The following CCDC91 variants were observed in gnomAD, a reference collection of about 807,000 sequenced individuals.
CCDC91 encodes the protein coiled-coil domain containing 91.
In CCDC91, 48 loss-of-function variants were observed where a neutral mutation model predicts 63.2. The ratio of observed to expected loss-of-function variants is 0.76; its 90% CI spans 0.60 to 0.97. CCDC91 has a LOEUF of 0.97. Among genes scored for constraint, CCDC91 ranks in the 50% least tolerant of loss-of-function variants. CCDC91 has a pLI of 0.00. For synonymous variants in CCDC91, 167 were observed against 165.8 expected, an observed-to-expected ratio of 1.01 and a Z score of -0.06; for missense variants, 500 against 494.6, an observed-to-expected ratio of 1.01 and a Z score of -0.10.
Position 28,450,437 on chromosome 12 carries a change from G to A in CCDC91, c.924+19G>A, listed in dbSNP as rs1949747070. 6.3e-7 allele frequency: 1 copy of A among 1,577,576 alleles called. No homozygotes were observed. Among genetic ancestry groups the A allele is most frequent in the Non-Finnish European group, 8.7e-7 (1 of 1,147,354 alleles). On this transcript the variant is annotated intron_variant, in intron 10 of 12. Coordinates refer to ENST00000536442, the MANE Select transcript of CCDC91 (RefSeq NM_018318.5). ...TGCAAAGGTATTTCCATCTGTAATA[G>A]TGGGTTGCTTGTAAGTAAGTGGAAT...
intron 3 of CCDC91, among the ~76,000 whole-genome samples, chr12:28,287,569 A>T (rs1565736718): frequency 6.6e-6 from 1 of 151,686 alleles, no homozygotes; most frequent in Non-Finnish European, 1.5e-5. Flanking sequence ...CAGTCTGTGG[A>T]TCTGTTTTTG....
At chr12:28,206,991 A>T (rs956122373) in intron 1 of CCDC91, among the ~76,000 whole-genome samples, 25 of 152,224 alleles carry the variant, frequency 1.6e-4, no homozygotes, top group African/African-American at 6.0e-4. Flanking sequence ...TTATGAGGCA[A>T]AGTTTCTCAC....
intron 12 of CCDC91, among the ~76,000 whole-genome samples, chr12:28,533,697 A>G (rs936142193): frequency 6.6e-6 from 1 of 152,006 alleles, no homozygotes; most frequent in African/African-American, 2.4e-5. Flanking sequence ...CATTACAATG[A>G]CCCTTAATAT....
intron 1 of CCDC91, among the ~76,000 whole-genome samples, chr12:28,204,207 A>G (rs1466852443): frequency 6.6e-6 from 1 of 152,182 alleles, no homozygotes; most frequent in Non-Finnish European, 1.5e-5. Context: ...ATTGGTAAGA[A>G]CATGGGGTTA....
intron 11 of CCDC91, among the ~76,000 whole-genome samples, chr12:28,472,718 C>T (rs1215980390): frequency 1.3e-5 from 2 of 152,100 alleles, no homozygotes; most frequent in Non-Finnish European, 2.9e-5. Flanking sequence ...TGATTGAGTA[C>T]AGTCATCACT....
intron 8 of CCDC91, 137 bp downstream of exon 8, chr12:28,391,548 A>G: frequency 1.9e-6 from 1 of 517,062 alleles, no homozygotes; most frequent in South Asian, 3.5e-5. Context: ...TGTAAACTCA[A>G]AGATTGAGAA....
At chr12:28,317,895 C>A (rs1000343686) in intron 6 of CCDC91, among the ~76,000 whole-genome samples, 1 of 151,684 alleles carries the variant, frequency 6.6e-6, no homozygotes, top group African/African-American at 2.4e-5. Flanking sequence ...CTAATAAGCA[C>A]CTTAAGTCAT....
At chr12:28,388,578 A>C (rs916387863) in intron 7 of CCDC91, among the ~76,000 whole-genome samples, 1 of 152,222 alleles carries the variant, frequency 6.6e-6, no homozygotes, top group Admixed American at 6.5e-5. Context: ...CTACAAGGAA[A>C]ACTAGAAAAC....
At chr12:28,338,928 C>G (rs1942212594) in intron 6 of CCDC91, among the ~76,000 whole-genome samples, 1 of 152,078 alleles carries the variant, frequency 6.6e-6, no homozygotes. Flanking sequence ...GCAACCTCCG[C>G]CTCTTAGGTT....
intron 12 of CCDC91, among the ~76,000 whole-genome samples, chr12:28,497,650 C>T (rs1011927698): frequency 2.6e-5 from 4 of 151,536 alleles, no homozygotes; most frequent in African/African-American, 9.7e-5. Flanking sequence ...GAGATTGAGT[C>T]ATAAAATAGT....
In CCDC91 at chr12:28,484,070, A is replaced by G. The variant is rs745679471; in HGVS notation, c.1120A>G (p.Ile374Val). Residue 374 changes from isoleucine to valine, a missense_variant, in exon 12 of 13, where the codon ATA becomes GTA. By Grantham distance (29) the Ile-to-Val change is conservative. Transcript: ENST00000536442. ...CAAACAGGAAACTGTTAAGGCAGCA[A>G]TAATAGAAGAGCAGAAACGAAGTGA... ...KISQETVKAA[I>V]IEEQKRSEKA... The G allele has an allele frequency of 9.9e-6, 16 of 1,610,802 alleles. No homozygotes were observed. In the South Asian group the frequency reaches 1.8e-4, roughly 18 times the overall value.
chr12:28,498,786 C>T (rs924388949), intron 12 of CCDC91, among the ~76,000 whole-genome samples: 12 of 151,562 alleles, frequency 7.9e-5, no homozygotes, highest in African/African-American at 2.7e-4. Context: ...CCATCAAATA[C>T]CTAATATATG....
intron 1 of CCDC91, among the ~76,000 whole-genome samples, chr12:28,221,537 G>A (rs1240488454): frequency 6.6e-6 from 1 of 152,114 alleles, no homozygotes; most frequent in East Asian, 1.9e-4. Context: ...TCTTTGTTAT[G>A]TCACTAGCAA....
chr12:28,212,817 A>G (rs762323001), intron 1 of CCDC91, among the ~76,000 whole-genome samples: 7 of 152,214 alleles, frequency 4.6e-5, no homozygotes, highest in Non-Finnish European at 8.8e-5. Context: ...GAACTGAGGT[A>G]TGTTGAGAAG....
At chr12:28,403,989 TG>T (rs752707410) in intron 8 of CCDC91, among the ~76,000 whole-genome samples, 10 of 152,062 alleles carry the variant, frequency 6.6e-5, no homozygotes, top group Non-Finnish European at 1.5e-4. Flanking sequence ...TTGGTTTTAT[TG>T]ATTTTTCCAT....
chr12:28,461,199 A>G (rs1177439606), intron 11 of CCDC91, among the ~76,000 whole-genome samples: 1 of 152,078 alleles, frequency 6.6e-6, no homozygotes, highest in East Asian at 1.9e-4. Context: ...AAATATCATC[A>G]TATGGTCTAT....
At chr12:28,371,713 A>G (rs1233178666) in intron 7 of CCDC91, among the ~76,000 whole-genome samples, 1 of 152,222 alleles carries the variant, frequency 6.6e-6, no homozygotes, top group East Asian at 1.9e-4. Context: ...CATTGTATTC[A>G]TTAGGTGAGA....
chr12:28,482,925 A>G (rs1206321631), intron 11 of CCDC91, among the ~76,000 whole-genome samples: 4 of 151,998 alleles, frequency 2.6e-5, no homozygotes. Context: ...TATAATGGAA[A>G]TCATATTATA....
At chr12:28,415,831 G>A (rs1947623403) in intron 8 of CCDC91, among the ~76,000 whole-genome samples, 1 of 152,052 alleles carries the variant, frequency 6.6e-6, no homozygotes, top group Admixed American at 6.6e-5. Context: ...TGGAAAAAAG[G>A]CAATGTTGAC....
Sources: allele counts gnomAD v4.1 joint callset (sites outside exome capture counted in the v4.1 genomes callset), GRCh38; gene constraint gnomAD v4.1.1; transcripts MANE v1.5; gene names NCBI Gene and HGNC (gene_info 2026-07-23, HGNC 2026-07-21).